GANC: variants seen among roughly 807,000 people sequenced by gnomAD.
GANC encodes glucosidase alpha, neutral C.
Under a neutral mutation model 124.2 loss-of-function variants are expected in GANC, and 117 were observed. The ratio of observed to expected loss-of-function variants is 0.94; its 90% CI spans 0.81 to 1.10. The LOEUF (loss-of-function observed/expected upper bound fraction) is 1.10. Ranked by LOEUF, GANC falls within the 50% of genes least tolerant of loss-of-function variation. The pLI is 0.00. For synonymous variants in GANC, 377 were observed against 376.8 expected, an observed-to-expected ratio of 1.00 and a Z score of -0.01; for missense variants, 1,140 against 1,095.0, an observed-to-expected ratio of 1.04 and a Z score of -0.58.
At position 42,310,331 on chromosome 15, in the gene GANC, A is replaced by T; in HGVS notation, c.771A>T (p.Gln257His). The T allele has an allele frequency of 6.2e-7, 1 of 1,613,282 alleles. No individual in the cohort carries two copies. Among genetic ancestry groups the T allele is most frequent in the Non-Finnish European group, 8.5e-7 (1 of 1,179,418 alleles). ...RLYNLDVYGYQIYDKMGIYGS... is the reference protein window; with the variant it reads ...RLYNLDVYGYHIYDKMGIYGS... ...ATAACCTGGATGTCTATGGATACCA[A>T]ATATATGATAAAATGGGCATTTATG... The change falls in exon 9 of 24, where the codon CAA (glutamine) becomes CAT (histidine). Residue 257 changes from glutamine to histidine, a missense_variant. Transcript: ENST00000318010.
intron 22 of GANC, among the ~76,000 whole-genome samples, chr15:42,350,022 C>CTTTTT (rs753077889): frequency 1.0e-3 from 75 of 75,036 alleles, no homozygotes; most frequent in East Asian, 3.1e-3. Context: ...CTTTCCCCCA[C>CTTTTT]TTTTTTTTTT....
At chr15:42,286,816 A>G (rs895301402) in intron 3 of GANC, among the ~76,000 whole-genome samples, 1 of 152,236 alleles carries the variant, frequency 6.6e-6, no homozygotes, top group Non-Finnish European at 1.5e-5. Context: ...TACCGAGTTT[A>G]GCTGTCATTT....
intron 3 of GANC, among the ~76,000 whole-genome samples, chr15:42,287,253 C>T (rs1053625118): frequency 6.6e-6 from 1 of 152,224 alleles, no homozygotes; most frequent in Admixed American, 6.5e-5. Flanking sequence ...TCTTCTGTAG[C>T]CTGCCACCCT....
intron 3 of GANC, among the ~76,000 whole-genome samples, chr15:42,286,408 A>C (rs777398664): frequency 6.6e-6 from 1 of 152,208 alleles, no homozygotes; most frequent in Non-Finnish European, 1.5e-5. Context: ...TGAGAGAGCA[A>C]TGGAAACACA....
chr15:42,330,770 C>CTTTTTT (rs71108160), intron 15 of GANC, 98 bp downstream of exon 15: 137 of 360,934 alleles, frequency 3.8e-4, no homozygotes, highest in South Asian at 1.4e-3. Context: ...CTTCCTTTTC[C>CTTTTTT]TTTTTTTTTT....
chr15:42,278,529 T>G lies in GANC; in HGVS notation c.140T>G (p.Leu47Trp). 2 of 1,613,346 alleles carry G rather than the reference T, an allele frequency of 1.2e-6. No homozygotes were observed. Among genetic ancestry groups the G allele is most frequent in the Non-Finnish European group, 1.7e-6 (2 of 1,179,616 alleles). The change falls in exon 3 of 24, where the codon TTG becomes TGG. Residue 47 changes from leucine (L) to tryptophan (W), a missense_variant. Physicochemically the swap from Leu to Trp is moderately conservative, Grantham distance 61 (BLOSUM62 -2). Transcript: ENST00000318010. ...LSKKSTYQAL[L>W]DSVTTDEDST... The stretch of plus-strand genomic sequence containing the variant: ...AAGAAGTCCACCTATCAGGCATTAT[T>G]GGATTCAGTCACAACAGATGAAGAC...
chr15:42,349,618 G>A (rs529451530), intron 22 of GANC, 123 bp downstream of exon 22: 15 of 649,960 alleles, frequency 2.3e-5, no homozygotes, highest in African/African-American at 1.2e-4. Context: ...GGTGAAGGCC[G>A]TTTCCGGAAT....
intron 15 of GANC, among the ~76,000 whole-genome samples, chr15:42,337,476 A>G (rs533555090): frequency 3.3e-5 from 5 of 152,304 alleles, no homozygotes; most frequent in African/African-American, 1.2e-4. Flanking sequence ...CAAATACCAC[A>G]TGTTCTCACT....
chr15:42,291,045 C>T (rs1176694443), intron 4 of GANC, among the ~76,000 whole-genome samples: 1 of 152,046 alleles, frequency 6.6e-6, no homozygotes, highest in Non-Finnish European at 1.5e-5. Flanking sequence ...CCACCCTTCA[C>T]TGCCTCCAGA....
intron 17 of GANC, 99 bp from the exon 18 acceptor site, chr15:42,340,591 G>A (rs1391950206): frequency 3.4e-6 from 3 of 889,096 alleles, no homozygotes; most frequent in African/African-American, 3.6e-5. Flanking sequence ...GCAACAAAGT[G>A]AGATCCATCT....
intron 3 of GANC, among the ~76,000 whole-genome samples, chr15:42,285,602 C>T (rs1438881015): frequency 1.3e-5 from 2 of 152,096 alleles, no homozygotes; most frequent in Non-Finnish European, 2.9e-5. Flanking sequence ...TGAGACCAGC[C>T]TGGTCAACAT....
intron 3 of GANC, among the ~76,000 whole-genome samples, chr15:42,278,931 G>C (rs956972012): frequency 6.6e-6 from 1 of 152,178 alleles, no homozygotes; most frequent in African/African-American, 2.4e-5. Context: ...GGAGGTCGAG[G>C]CTGCAGTGAG....
In GANC at chr15:42,330,591, G is replaced by A. The variant is rs1330344595; in HGVS notation, c.1660G>A (p.Glu554Lys). 1 of 1,612,610 alleles carries A rather than the reference G, an allele frequency of 6.2e-7. No homozygotes were observed. The highest frequency in any genetic ancestry group is 1.1e-5 in the South Asian group (1 of 90,784). The change falls in exon 15 of 24, where the codon GAA (glutamate) becomes AAA (lysine). Residue 554 changes from glutamate (E) to lysine (K), a missense_variant. Coordinates refer to ENST00000318010, the MANE Select transcript of GANC (RefSeq NM_198141.3). Reference protein sequence around the residue: ...YGFYHQMATAEGLIKRSKGKE... With the variant: ...YGFYHQMATAKGLIKRSKGKE... ...GGTGATATAGCAAATGGCTACTGCA[G>A]AAGGACTGATAAAACGATCTAAAGG...
intron 22 of GANC, among the ~76,000 whole-genome samples, chr15:42,350,022 C>CTTTTTTTTTTTTTTT (rs753077889): frequency 2.7e-5 from 2 of 75,036 alleles, no homozygotes; most frequent in Non-Finnish European, 5.0e-5. Flanking sequence ...CTTTCCCCCA[C>CTTTTTTTTTTTTTTT]TTTTTTTTTT....
chr15:42,310,886 A>T (rs756978278), intron 10 of GANC, 40 bp downstream of exon 10: 9 of 1,586,840 alleles, frequency 5.7e-6, no homozygotes, highest in Non-Finnish European at 6.9e-6. Flanking sequence ...GTTCTGTTAC[A>T]TATCCAATGT....
chr15:42,323,255 A>G (rs1057391450), intron 11 of GANC, among the ~76,000 whole-genome samples: 1 of 152,202 alleles, frequency 6.6e-6, no homozygotes, highest in African/African-American at 2.4e-5. Flanking sequence ...TGTCCTTAAT[A>G]AGTAGTTATT....
At chr15:42,325,742 C>T (rs985248408) in intron 11 of GANC, among the ~76,000 whole-genome samples, 2 of 152,022 alleles carry the variant, frequency 1.3e-5, no homozygotes, top group Non-Finnish European at 2.9e-5. Flanking sequence ...GAGCATTGGC[C>T]TGGTTTTTTT....
In GANC at chr15:42,312,764, AC is replaced by A. The variant is rs2052064355; in HGVS notation, c.1057+1920del. Among the ~76,000 whole-genome samples, 7 of 151,982 alleles carry A rather than the reference AC, an allele frequency of 4.6e-5. No individual in the cohort carries two copies. The South Asian group carries it at 1.5e-3, about 32-fold the overall frequency. ...GACCAGCCTGACCAACATGGCGAAA[AC>A]CTGTCTCTACTAAAAATACAAAAAT... On this transcript the variant is annotated intron_variant, in intron 10 of 23. Coordinates refer to ENST00000318010, the MANE Select transcript of GANC (RefSeq NM_198141.3).
intron 19 of GANC, among the ~76,000 whole-genome samples, chr15:42,343,617 C>A (rs113308834): frequency 0.097 from 14,750 of 152,226 alleles, 837 homozygotes; most frequent in South Asian, 0.18. Flanking sequence ...TCCCCTCCCA[C>A]ATTCCTCTGC....
Sources: gnomAD v4.1 joint callset for allele counts (sites outside exome capture counted in the v4.1 genomes callset) on GRCh38, gnomAD v4.1.1 for gene constraint, MANE v1.5 for transcripts, NCBI Gene and HGNC (gene_info 2026-07-23, HGNC 2026-07-21) for gene names.